The following PGGHG variants were observed in gnomAD, a reference collection of about 807,000 sequenced individuals.
The protein encoded by PGGHG is protein-glucosylgalactosylhydroxylysine glucosidase.
Under a neutral mutation model 74.5 loss-of-function variants are expected in PGGHG, and 67 were observed. That is an observed-to-expected ratio of 0.90 (90% confidence interval 0.74 to 1.10). The LOEUF is 1.10. Ranked by LOEUF, PGGHG falls within the 50% of genes least tolerant of loss-of-function variation. PGGHG has a pLI of 0.00. For synonymous variants in PGGHG, 496 were observed against 419.9 expected (o/e 1.18, Z -2.21); for missense variants, 1,034 against 981.5 (o/e 1.05, Z -0.72).
chr11:289,754 G>A lies in PGGHG; in HGVS notation c.-13-50G>A. The A allele has an allele frequency of 1.3e-6, 2 of 1,503,896 alleles. No individual in the cohort carries two copies. Among genetic ancestry groups the A allele is most frequent in the Non-Finnish European group, 1.8e-6 (2 of 1,123,784 alleles). 93.2% of individuals were successfully genotyped at this position (1,503,896 alleles called of 1,614,324 possible). On this transcript the variant is annotated intron_variant, in intron 1 of 13. Coordinates refer to ENST00000409548, the MANE Select transcript of PGGHG (RefSeq NM_025092.5). This position sits in a 1 kb window ranked among gnomAD's most constrained non-coding sequence, Gnocchi z 5.6. ...CAGGGGATTACAGACGGTCTCAAGA[G>A]GGAGGCCCAGCCAGTCCCGCGGCCC...
At chr11:291,248 G>T in intron 4 of PGGHG, 135 bp downstream of exon 4, 1 of 1,139,850 alleles carries the variant, frequency 8.8e-7, no homozygotes, top group Non-Finnish European at 1.2e-6. Flanking sequence ...CCTGGAAGGT[G>T]TGCAGGAGTT....
chr11:294,058 T>C, intron 11 of PGGHG, 41 bp from the exon 12 acceptor site: 1 of 1,584,062 alleles, frequency 6.3e-7, no homozygotes, highest in Non-Finnish European at 8.6e-7. Flanking sequence ...GAGAGGACGG[T>C]GACCTGGGGG....
At position 292,021 on chromosome 11, in the gene PGGHG, G is replaced by A. The variant is rs200801270; in HGVS notation, c.952G>A (p.Ala318Thr). ...TATCCTGATGTTCCACCCAGAAGCC[G>A]CCAGGGCCATCCTGGAGTACCGCAT... Reference protein sequence around the residue: ...PSILMFHPEAARAILEYRIRT... With the variant: ...PSILMFHPEATRAILEYRIRT... The change falls in exon 5 of 14, where the codon GCC becomes ACC. Residue 318 changes from alanine (A) to threonine (T), a missense_variant. Ala to Thr is a moderately conservative substitution (Grantham distance 58). Transcript: ENST00000409548. The A allele has an allele frequency of 1.9e-5, 30 of 1,608,532 alleles. No homozygotes were observed. Among genetic ancestry groups the A allele is most frequent in the African/African-American group, 2.7e-5 (2 of 74,946 alleles).
At position 289,543 on chromosome 11, in the gene PGGHG, T is replaced by G; in HGVS notation, c.-13-261T>G. The G allele has an allele frequency of 3.9e-6, 2 of 508,804 alleles. No individual in the cohort carries two copies. Among genetic ancestry groups the G allele is most frequent in the Non-Finnish European group, 3.5e-6 (1 of 287,484 alleles). 31.5% of individuals were successfully genotyped at this position (508,804 alleles called of 1,614,324 possible). ...TTGGAAAGCAGGGTTAGGACTGGAA[T>G]TCTAAGGTAGCAGGAGGGAGAGACA... On this transcript the variant is annotated intron_variant, in intron 1 of 13. Coordinates refer to ENST00000409548, the MANE Select transcript of PGGHG (RefSeq NM_025092.5). The surrounding 1 kb of genome is among the most constrained non-coding windows in gnomAD (Gnocchi z 5.6).
intron 5 of PGGHG, among the ~76,000 whole-genome samples, 185 bp from the exon 6 acceptor site, chr11:292,361 C>T (rs1845748134): frequency 1.3e-5 from 2 of 152,104 alleles, no homozygotes; most frequent in South Asian, 4.1e-4. Flanking sequence ...GGTCAGCACT[C>T]GGTGAGAACT....
Position 294,393 on chromosome 11 carries a change from G to A in PGGHG, c.1935G>A (p.Val645=), listed in dbSNP as rs1464501186. Residue 645 remains valine, a synonymous_variant, in exon 13 of 14, where the codon GTG becomes GTA. Transcript: ENST00000409548. ...CTTTTTCCGAGGACTCCGTGACCGTGGAGGTCACAGCTCGAGCAGGGCCCT... is the reference window on the plus strand; with the variant it reads ...CTTTTTCCGAGGACTCCGTGACCGTAGAGGTCACAGCTCGAGCAGGGCCCT... The part of the protein sequence containing the change: ...NFSFSEDSVT[V]EVTARAGPWA... 3 of 1,612,796 alleles carry A rather than the reference G, an allele frequency of 1.9e-6. No homozygotes were observed. The Admixed American group carries it at 5.0e-5, about 27-fold the overall frequency.
In PGGHG at chr11:290,877, A is replaced by G. The variant is rs140895331; in HGVS notation, c.670A>G (p.Arg224Gly). The G allele has an allele frequency of 1.1e-5, 18 of 1,611,356 alleles. No individual in the cohort carries two copies. The highest frequency in any genetic ancestry group is 1.3e-5 in the African/African-American group (1 of 74,860). ...CACTGAGGCCCTGCAGCTGCAGGCC[A>G]GGGGAGCTCTGTATACGGCTCACGC... is the stretch of plus-strand genomic sequence containing the variant. ...CLTEALQLQARGALYTAHAQA... is the reference protein window; with the variant it reads ...CLTEALQLQAGGALYTAHAQA... The change falls in exon 4 of 14, where the codon AGG becomes GGG. Residue 224 changes from arginine to glycine, a missense_variant. Physicochemically the swap from Arg to Gly is moderately radical, Grantham distance 125. Coordinates refer to ENST00000409548, the MANE Select transcript of PGGHG (RefSeq NM_025092.5).
Position 295,049 on chromosome 11 carries a change from C to T in PGGHG, c.*300C>T, listed in dbSNP as rs1845835970. The T allele has an allele frequency of 7.0e-6, 2 of 287,190 alleles. No homozygotes were observed. Among genetic ancestry groups the T allele is most frequent in the East Asian group, 1.2e-4 (2 of 16,290 alleles). 17.8% of individuals were successfully genotyped at this position (287,190 alleles called of 1,614,324 possible). On this transcript the variant is annotated 3_prime_UTR_variant, in exon 14 of 14. Transcript: ENST00000409548. The stretch of plus-strand genomic sequence containing the variant: ...CGAGCTCCTGAAGCCGGGGTCTGAG[C>T]CTGCATCACCTCTGGCCTCTCATCC...
chr11:291,094 G>A lies in PGGHG; in HGVS notation c.887G>A (p.Gly296Asp). 1 of 1,588,910 alleles carries A rather than the reference G, an allele frequency of 6.3e-7. No homozygotes were observed. Among genetic ancestry groups the A allele is most frequent in the South Asian group, 1.1e-5 (1 of 88,740 alleles). ...SNGSREECYW[G>D]HVFWDQDLWM... The stretch of plus-strand genomic sequence containing the variant: ...GGGAGCCGTGAGGAATGCTACTGGG[G>A]CCACGTCTTCTGGGACCAGGTGAGC... The change falls in exon 4 of 14, where the codon GGC becomes GAC. Residue 296 changes from glycine (G) to aspartate (D), a missense_variant. Gly to Asp is a moderately conservative substitution (Grantham distance 94). Transcript: ENST00000409548.
In PGGHG at chr11:290,711, G is replaced by A; in HGVS notation, c.504G>A (p.Gln168=). The change falls in exon 4 of 14, where the codon CAG becomes CAA. Residue 168 remains glutamine (Q), a synonymous_variant. Transcript: ENST00000409548. The part of the protein sequence containing the change: ...YLYGHTLTPE[Q]PGGPQQEVHM... ...ATGGCCACACCCTCACCCCTGAGCA[G>A]CCCGGGGGGCCACAGCAAGAGGTAC... is the stretch of plus-strand genomic sequence containing the variant. 6.2e-7 allele frequency: 1 copy of A among 1,604,278 alleles called. No individual in the cohort carries two copies. Among genetic ancestry groups the A allele is most frequent in the Non-Finnish European group, 8.5e-7 (1 of 1,174,254 alleles).
chr11:292,333 C>G (rs910997529), intron 5 of PGGHG, among the ~76,000 whole-genome samples: 3 of 152,128 alleles, frequency 2.0e-5, no homozygotes, highest in Non-Finnish European at 4.4e-5. Context: ...CTGGGGTGCC[C>G]TTGCTGCCCT....
chr11:292,595 C>T lies in PGGHG; in HGVS notation c.1076C>T (p.Pro359Leu), dbSNP rs139998628. The T allele has an allele frequency of 3.1e-6, 5 of 1,613,574 alleles. No individual in the cohort carries two copies. Among genetic ancestry groups the T allele is most frequent in the African/African-American group, 2.7e-5 (2 of 74,932 alleles). The change falls in exon 6 of 14, where the codon CCT (proline) becomes CTT (leucine). Residue 359 changes from proline (P) to leucine (L), a missense_variant. Physicochemically the swap from Pro to Leu is moderately conservative, Grantham distance 98. Coordinates refer to ENST00000409548, the MANE Select transcript of PGGHG (RefSeq NM_025092.5). ...ESADSGLEVC[P>L]EDIYGVQEVH... ...GCAGACTCCGGCCTAGAGGTTTGCC[C>T]TGAGGACATTTACGGAGTCCAGGAG...
At position 293,688 on chromosome 11, in the gene PGGHG, C is replaced by T. The variant is rs569659086; in HGVS notation, c.1575C>T (p.Tyr525=). The part of the protein sequence containing the change: ...PDVRRKNLEI[Y]EAVTSPQGPA... ...TTCGCAGGAAAAATCTGGAGATTTA[C>T]GAGGCTGTGACGTCCCCCCAGGGCC... The change falls in exon 10 of 14, where the codon TAC becomes TAT. Residue 525 remains tyrosine, a synonymous_variant. Coordinates refer to ENST00000409548, the MANE Select transcript of PGGHG (RefSeq NM_025092.5). 3.6e-5 allele frequency: 58 copies of T among 1,613,248 alleles called. No homozygotes were observed. The highest frequency in any genetic ancestry group is 9.3e-5 in the African/African-American group (7 of 75,032).
Position 294,077 on chromosome 11 carries a change from TCA to T in PGGHG, c.1711-21_1711-20del. The T allele has an allele frequency of 1.3e-6, 2 of 1,589,358 alleles. No homozygotes were observed. The highest frequency in any genetic ancestry group is 1.1e-5 in the South Asian group (1 of 87,884). ...GGACGGTGACCTGGGGGTCCTGGTG[TCA>T]GCTGCCCTTGCCCCTGCAGGTGTGG... On this transcript the variant is annotated intron_variant, in intron 11 of 13. Coordinates refer to ENST00000409548, the MANE Select transcript of PGGHG (RefSeq NM_025092.5).
Position 292,631 on chromosome 11 carries a change from A to G in PGGHG, c.1112A>G (p.Asn371Ser), listed in dbSNP as rs762905133. The G allele has an allele frequency of 3.1e-6, 5 of 1,613,638 alleles. No individual in the cohort carries two copies. The highest frequency in any genetic ancestry group is 1.7e-5 in the Admixed American group (1 of 60,002). ...TACGGAGTCCAGGAGGTCCACGTCA[A>G]CGGGGCCGTGGTGTTGGCCTTCGAG... The part of the protein sequence containing the change: ...DIYGVQEVHV[N>S]GAVVLAFELY... Residue 371 changes from asparagine (N) to serine (S), a missense_variant, in exon 6 of 14, where the codon AAC becomes AGC. Physicochemically the swap from Asn to Ser is conservative, Grantham distance 46. Transcript: ENST00000409548.
Position 292,111 on chromosome 11 carries a change from G to T in PGGHG, c.1026+16G>T. On this transcript the variant is annotated intron_variant, in intron 5 of 13. Coordinates refer to ENST00000409548, the MANE Select transcript of PGGHG (RefSeq NM_025092.5). ...GGGCTACCAGGTGAGGGGACCTGGG[G>T]CACTGGCCCGTAGGGCCCTGCAGGG... is the stretch of plus-strand genomic sequence containing the variant. 6.5e-7 allele frequency: 1 copy of T among 1,542,158 alleles called. No homozygotes were observed. Among genetic ancestry groups the T allele is most frequent in the Non-Finnish European group, 8.7e-7 (1 of 1,143,940 alleles).
At position 289,990 on chromosome 11, in the gene PGGHG, G is replaced by A. The variant is rs772565314; in HGVS notation, c.174G>A (p.Leu58=). 2.6e-6 allele frequency: 4 copies of A among 1,548,974 alleles called. No homozygotes were observed. The highest frequency in any genetic ancestry group is 3.5e-6 in the Non-Finnish European group (4 of 1,146,836). Residue 58 remains leucine (L), a synonymous_variant, in exon 2 of 14, where the codon CTG becomes CTA. Transcript: ENST00000409548. This position sits in a 1 kb window ranked among gnomAD's most constrained non-coding sequence, Gnocchi z 5.6. ...GAGGDTHRAM[L]PSPLNVRLEA... ...GCGGGGACACGCACCGGGCCATGCTGCCCAGCCCCCTCAACGTCCGGCTGG... is the reference window on the plus strand; with the variant it reads ...GCGGGGACACGCACCGGGCCATGCTACCCAGCCCCCTCAACGTCCGGCTGG...
At chr11:290,326 T>TCCTG (rs1053681958) in intron 2 of PGGHG, 64 bp from the exon 3 acceptor site, 16 of 1,484,486 alleles carry the variant, frequency 1.1e-5, no homozygotes, top group Non-Finnish European at 1.4e-5. Flanking sequence ...GGTCGGGTGG[T>TCCTG]CCACTCCTGC....
At chr11:292,172 C>A in intron 5 of PGGHG, 77 bp downstream of exon 5, 1 of 1,450,068 alleles carries the variant, frequency 6.9e-7, no homozygotes, top group South Asian at 1.4e-5. Flanking sequence ...GCCTGTATCC[C>A]TCTCCCCAGG....
Sources: allele counts gnomAD v4.1 joint callset (sites outside exome capture counted in the v4.1 genomes callset), GRCh38; gene constraint gnomAD v4.1.1; non-coding constraint Gnocchi (gnomAD v3.1); transcripts MANE v1.5; gene names NCBI Gene and HGNC (gene_info 2026-07-23, HGNC 2026-07-21).